TBC1D5: variants seen among roughly 807,000 people sequenced by gnomAD.
TBC1D5 encodes the protein TBC1 domain family, member 5.
TBC1D5 carries 75 observed loss-of-function variants against 100.3 expected under a neutral mutation model. The ratio of observed to expected loss-of-function variants is 0.75; its 90% CI spans 0.62 to 0.91. The LOEUF (loss-of-function observed/expected upper bound fraction) is 0.91. TBC1D5 is among the 40% of genes least tolerant of loss of function. The probability of loss-of-function intolerance (pLI) is 0.00; values close to 1 mark genes in which losing one functional copy is unlikely to be tolerated. For synonymous variants in TBC1D5, 323 were observed against 325.6 expected (o/e 0.99, Z 0.09); for missense variants, 910 against 942.4 (o/e 0.97, Z 0.45).
At chr3:17,435,167 T>C (rs2094513392) in intron 3 of TBC1D5, among the ~76,000 whole-genome samples, 1 of 152,176 alleles carries the variant, frequency 6.6e-6, no homozygotes, top group South Asian at 2.1e-4. Flanking sequence ...CCCAAGTCTC[T>C]AGGAAATTCC....
chr3:17,672,531 T>C (rs2068058152), intron 1 of TBC1D5: 1 of 152,150 alleles, frequency 6.6e-6, no homozygotes, highest in Non-Finnish European at 1.5e-5. Flanking sequence ...ATATAAAAAC[T>C]AGAAAACACC....
chr3:17,414,858 CTT>C, intron 4 of TBC1D5, among the ~76,000 whole-genome samples: 1 of 152,178 alleles, frequency 6.6e-6, no homozygotes. Context: ...GGGCATATCT[CTT>C]ATACATAAAT....
chr3:17,329,109 T>C (rs898850896), intron 13 of TBC1D5, among the ~76,000 whole-genome samples: 1 of 152,198 alleles, frequency 6.6e-6, no homozygotes, highest in Non-Finnish European at 1.5e-5. Flanking sequence ...GCATCTCTCC[T>C]GTAGAGCCAC....
At chr3:17,213,385 G>A (rs1409205817) in intron 18 of TBC1D5, among the ~76,000 whole-genome samples, 1 of 152,174 alleles carries the variant, frequency 6.6e-6, no homozygotes, top group Non-Finnish European at 1.5e-5. Flanking sequence ...GGTTAAACGT[G>A]AAGTTGGCTT....
chr3:17,284,504 T>A (rs946950545), intron 15 of TBC1D5, among the ~76,000 whole-genome samples: 1 of 152,072 alleles, frequency 6.6e-6, no homozygotes, highest in Middle Eastern at 3.4e-3. Flanking sequence ...GCCATATGTA[T>A]TTTTTTTATA....
At chr3:17,220,353 A>G (rs1376135128) in intron 17 of TBC1D5, among the ~76,000 whole-genome samples, 1 of 152,180 alleles carries the variant, frequency 6.6e-6, no homozygotes, top group Non-Finnish European at 1.5e-5. Flanking sequence ...GTGGTTAATC[A>G]GATAGAGGAG....
intron 18 of TBC1D5, among the ~76,000 whole-genome samples, chr3:17,185,829 C>T (rs1229107812): frequency 6.6e-6 from 1 of 152,128 alleles, no homozygotes; most frequent in Non-Finnish European, 1.5e-5. Context: ...TTGCTCCTCT[C>T]TCTTGATATG....
intron 1 of TBC1D5, among the ~76,000 whole-genome samples, chr3:17,735,344 A>G (rs528375093): frequency 6.6e-6 from 1 of 152,360 alleles, no homozygotes; most frequent in Non-Finnish European, 1.5e-5. Flanking sequence ...AACTAATGAC[A>G]TGAGTAATAT....
At chr3:17,275,810 C>G (rs528460932) in intron 15 of TBC1D5, among the ~76,000 whole-genome samples, 1 of 151,980 alleles carries the variant, frequency 6.6e-6, no homozygotes, top group Non-Finnish European at 1.5e-5. Context: ...TTTCCAGGAC[C>G]CCAGTAAGAC....
chr3:17,702,883 C>T (rs1560508289), intron 1 of TBC1D5, among the ~76,000 whole-genome samples: 1 of 151,896 alleles, frequency 6.6e-6, no homozygotes, highest in African/African-American at 2.4e-5. Context: ...TAATCATGAA[C>T]AATTAAAAGT....
At chr3:17,196,637 G>A (rs189949217) in intron 18 of TBC1D5, among the ~76,000 whole-genome samples, 4 of 152,318 alleles carry the variant, frequency 2.6e-5, no homozygotes, top group African/African-American at 9.6e-5. Flanking sequence ...AGACATACAC[G>A]ATGCACACGT....
intron 18 of TBC1D5, among the ~76,000 whole-genome samples, chr3:17,203,951 T>G (rs193119197): frequency 9.5e-4 from 144 of 152,342 alleles, no homozygotes; most frequent in African/African-American, 3.3e-3. Context: ...AAAAGGGAGT[T>G]CCTTAGCCCT....
chr3:17,420,237 G>A (rs1260593350), intron 4 of TBC1D5, among the ~76,000 whole-genome samples: 2 of 151,730 alleles, frequency 1.3e-5, no homozygotes, highest in Non-Finnish European at 1.5e-5. Context: ...ATAGACAAAC[G>A]TTGAAAAAGC....
chr3:17,211,102 CTCT>C (rs1393514397), intron 18 of TBC1D5, among the ~76,000 whole-genome samples: 1 of 152,190 alleles, frequency 6.6e-6, no homozygotes, highest in East Asian at 1.9e-4. Flanking sequence ...ATCAAATCCT[CTCT>C]TCAAGTGTCT....
At chr3:17,183,847 C>G (rs2068723405) in intron 19 of TBC1D5, among the ~76,000 whole-genome samples, 1 of 152,204 alleles carries the variant, frequency 6.6e-6, no homozygotes. Flanking sequence ...GAGTTTACCT[C>G]CAACGAAGGC....
intron 18 of TBC1D5, 55 bp from the exon 20 acceptor site, chr3:17,185,263 T>TC: frequency 6.8e-7 from 1 of 1,475,598 alleles, no homozygotes; most frequent in South Asian, 1.2e-5. Flanking sequence ...AAATAAAATC[T>TC]CCAAAGTTTT....
chr3:17,262,708 C>A (rs2078435267), intron 15 of TBC1D5, among the ~76,000 whole-genome samples: 1 of 151,912 alleles, frequency 6.6e-6, no homozygotes, highest in Non-Finnish European at 1.5e-5. Flanking sequence ...GTCTCAATCT[C>A]CTGACCTCAT....
chr3:17,732,074 T>G (rs1339804019), intron 1 of TBC1D5, among the ~76,000 whole-genome samples: 1 of 152,046 alleles, frequency 6.6e-6, no homozygotes, highest in Admixed American at 6.5e-5. Flanking sequence ...TCCCAGCACT[T>G]TGGGAGGCCG....
chr3:17,451,119 C>G (rs940682423), intron 3 of TBC1D5, among the ~76,000 whole-genome samples: 6 of 152,318 alleles, frequency 3.9e-5, no homozygotes, highest in Middle Eastern at 3.4e-3. Context: ...AATTTCATCT[C>G]AAGCCAAACT....
Sources: gnomAD v4.1 joint callset for allele counts (sites outside exome capture counted in the v4.1 genomes callset) on GRCh38, gnomAD v4.1.1 for gene constraint, MANE v1.5 for transcripts, NCBI Gene and HGNC (gene_info 2026-07-23, HGNC 2026-07-21) for gene names.